Variants in EMC3 observed in about 807,000 individuals in gnomAD.
EMC3 encodes the protein 30 kDa protein.
A neutral mutation model predicts 36.6 loss-of-function variants in EMC3; 13 were observed. The observed-to-expected ratio is 0.35, with a 90% CI of 0.23 to 0.56. The LOEUF is 0.56. Among genes scored for constraint, EMC3 ranks in the 20% least tolerant of loss-of-function variants. The pLI, the probability that EMC3 is intolerant of heterozygous loss-of-function variation, is 0.84. For synonymous variants in EMC3, 120 were observed against 111.9 expected, an observed-to-expected ratio of 1.07 and a Z score of -0.46; for missense variants, 220 against 324.5, an observed-to-expected ratio of 0.68 and a Z score of 2.47.
chr3:10,008,519 G>C, intron 1 of EMC3: 1 of 1,353,178 alleles, frequency 7.4e-7, no homozygotes, highest in Non-Finnish European at 9.9e-7. Flanking sequence ...AGGGTGGGGA[G>C]CAGGCCTCAG....
chr3:9,972,627 C>T (rs1002213944), intron 5 of EMC3, among the ~76,000 whole-genome samples: 3 of 151,558 alleles, frequency 2.0e-5, no homozygotes, highest in African/African-American at 4.8e-5. Context: ...AAAAATTACC[C>T]GGATGTGGTG....
chr3:9,966,905 A>T (rs774205199), intron 7 of EMC3, among the ~76,000 whole-genome samples: 10 of 152,326 alleles, frequency 6.6e-5, no homozygotes, highest in African/African-American at 2.2e-4. Context: ...GGTAAAATAT[A>T]TGTAACATAA....
At chr3:9,971,434 T>C (rs771099585) in intron 5 of EMC3, among the ~76,000 whole-genome samples, 20 of 152,282 alleles carry the variant, frequency 1.3e-4, no homozygotes, top group Non-Finnish European at 2.2e-4. Context: ...AATGGAAAGA[T>C]CCACACTCAT....
chr3:10,008,507 G>T (rs773329324), intron 1 of EMC3: 6 of 1,364,082 alleles, frequency 4.4e-6, no homozygotes, highest in Non-Finnish European at 5.9e-6. Context: ...TGACAGCCAT[G>T]GAGGGTGGGG....
chr3:9,993,077 TC>T (rs1398052434), intron 1 of EMC3: 1 of 863,016 alleles, frequency 1.2e-6, no homozygotes, highest in Non-Finnish European at 1.9e-6. Flanking sequence ...ATGTAAAATT[TC>T]ATCTTATTTC....
intron 1 of EMC3, among the ~76,000 whole-genome samples, chr3:9,999,377 G>A (rs1210214484): frequency 6.6e-6 from 1 of 151,982 alleles, no homozygotes; most frequent in East Asian, 1.9e-4. Flanking sequence ...GTGTAGCTGG[G>A]ACTATGGGCC....
intron 1 of EMC3, chr3:10,007,371 C>A: frequency 7.3e-7 from 1 of 1,363,276 alleles, no homozygotes. Context: ...CAGGAGGATC[C>A]TGAAGCCCTG....
At chr3:9,970,543 A>G (rs1040999179) in intron 6 of EMC3, 39 bp downstream of exon 6, 3 of 1,595,730 alleles carry the variant, frequency 1.9e-6, no homozygotes, top group Non-Finnish European at 2.6e-6. Flanking sequence ...TGATTCATCT[A>G]TGGAAGTATT....
rs537817754 is a variant in EMC3 at position 9,963,689 on chromosome 3, G to A, written c.*380C>T. On this transcript the variant is annotated 3_prime_UTR_variant, in exon 8 of 8. Transcript: ENST00000245046. ...GATGGGGTTTCACCATCTTGGCCAGGCTGATCTTGAACTCCTGATCTCGTG... is the reference window on the plus strand; with the variant it reads ...GATGGGGTTTCACCATCTTGGCCAGACTGATCTTGAACTCCTGATCTCGTG... The A allele has an allele frequency of 1.2e-4, 19 of 161,186 alleles. No individual in the cohort carries two copies. The South Asian group carries it at 1.8e-3, about 15-fold the overall frequency. 10.0% of individuals were successfully genotyped at this position (161,186 alleles called of 1,614,324 possible). A position where few individuals can be genotyped will look rare whatever the true frequency, so the allele number is the denominator to read the frequency against.
intron 1 of EMC3, chr3:10,010,861 A>C (rs2124945950): frequency 6.6e-6 from 1 of 152,404 alleles, no homozygotes; most frequent in African/African-American, 2.4e-5. Context: ...GGTGGCCCGC[A>C]GGGGACGCGG....
At chr3:9,992,935 G>C in intron 1 of EMC3, 2 of 1,611,950 alleles carry the variant, frequency 1.2e-6, no homozygotes, top group South Asian at 1.1e-5. Context: ...TACATTGAAA[G>C]GGTGCTAAGA....
upstream of EMC3, chr3:9,988,507 G>T: frequency 3.7e-6 from 4 of 1,093,822 alleles, no homozygotes; most frequent in Non-Finnish European, 5.7e-6. Flanking sequence ...GATTATCAAG[G>T]AGGAAATGAG....
intron 1 of EMC3, chr3:10,004,835 G>T (rs1215205130): frequency 6.6e-6 from 1 of 152,346 alleles, no homozygotes; most frequent in Non-Finnish European, 1.5e-5. Flanking sequence ...CAGACCCAGA[G>T]GGTTTGGAGC....
At chr3:9,999,610 CAT>C (rs2086173120) in intron 1 of EMC3, among the ~76,000 whole-genome samples, 1 of 152,096 alleles carries the variant, frequency 6.6e-6, no homozygotes, top group African/African-American at 2.4e-5. Flanking sequence ...TATGATCACA[CAT>C]AGTTTTAAAG....
intron 1 of EMC3, among the ~76,000 whole-genome samples, chr3:10,001,992 C>A (rs1473096151): frequency 6.6e-6 from 1 of 152,138 alleles, no homozygotes; most frequent in African/African-American, 2.4e-5. Flanking sequence ...GAGTAAGACT[C>A]CATCTTGAAA....
intron 1 of EMC3, chr3:10,009,158 GGGCCGTT>G (rs1361424437): frequency 6.6e-6 from 1 of 152,328 alleles, no homozygotes; most frequent in Admixed American, 6.5e-5. Flanking sequence ...AGCCTGGGCG[GGGCCGTT>G]GGCCGTTGGG....
intron 1 of EMC3, chr3:10,003,643 C>A: frequency 4.9e-6 from 1 of 205,390 alleles, no homozygotes; most frequent in East Asian, 1.1e-4. Flanking sequence ...AAGGCTGGCT[C>A]CCTTGGCATC....
intron 1 of EMC3, among the ~76,000 whole-genome samples, chr3:9,979,351 C>CA (rs894781248): frequency 6.6e-6 from 1 of 152,056 alleles, no homozygotes; most frequent in Admixed American, 6.6e-5. Context: ...ATTTAAAAAA[C>CA]AAAAAACCCC....
chr3:10,003,492 A>G (rs1165138939), intron 1 of EMC3: 1 of 340,970 alleles, frequency 2.9e-6, no homozygotes, highest in African/African-American at 2.2e-5. Context: ...AGGTGGCACC[A>G]TGCAGCAGGG....
Sources: allele counts gnomAD v4.1 joint callset (sites outside exome capture counted in the v4.1 genomes callset), GRCh38; gene constraint gnomAD v4.1.1; transcripts MANE v1.5; gene names NCBI Gene and HGNC (gene_info 2026-07-23, HGNC 2026-07-21).